OSBPL6: variants seen among roughly 807,000 people sequenced by gnomAD.
OSBPL6 encodes the protein oxysterol binding protein like 6, also known as oxysterol-binding protein-related protein 6.
In OSBPL6, 49 loss-of-function variants were observed where a neutral mutation model predicts 125.8. The ratio of observed to expected loss-of-function variants is 0.39; its 90% CI spans 0.31 to 0.49. The LOEUF (loss-of-function observed/expected upper bound fraction) is 0.49. Among genes scored for constraint, OSBPL6 ranks in the 20% least tolerant of loss-of-function variants. The probability of loss-of-function intolerance (pLI) is 0.88; values close to 1 mark genes in which losing one functional copy is unlikely to be tolerated. For missense variants in OSBPL6, 986 were observed against 1,135.4 expected (o/e 0.87, Z 1.89); for synonymous variants, 394 against 391.8 (o/e 1.01, Z -0.07).
At chr2:178,214,135 T>C (rs1357028717) in intron 1 of OSBPL6, among the ~76,000 whole-genome samples, 1 of 152,188 alleles carries the variant, frequency 6.6e-6, no homozygotes, top group Non-Finnish European at 1.5e-5. Flanking sequence ...GTGCCTTTCA[T>C]AACAAATATT....
chr2:178,258,337 C>T (rs1380137020), intron 1 of OSBPL6, among the ~76,000 whole-genome samples: 4 of 152,024 alleles, frequency 2.6e-5, no homozygotes, highest in African/African-American at 7.2e-5. Flanking sequence ...CTCAAGCGAT[C>T]GGCCCGCCTC....
chr2:178,287,213 A>G (rs1401848855), intron 2 of OSBPL6, among the ~76,000 whole-genome samples: 2 of 151,812 alleles, frequency 1.3e-5, no homozygotes, highest in Non-Finnish European at 2.9e-5. Context: ...ATATTTTCCC[A>G]TAATGCATTT....
At chr2:178,312,474 G>A (rs2154065232) in intron 3 of OSBPL6, among the ~76,000 whole-genome samples, 1 of 147,444 alleles carries the variant, frequency 6.8e-6, no homozygotes, top group African/African-American at 2.5e-5. Flanking sequence ...GGTTATTTTT[G>A]AGACAGAGTT....
rs558078526 is a variant in OSBPL6, at chr2:178,206,599, G to A, written c.-351+11925G>A. 2.6e-4 allele frequency among the ~76,000 whole-genome samples: 40 copies of A among 152,068 alleles called. No homozygotes were observed. The South Asian group carries it at 6.6e-3, about 25-fold the overall frequency. ...CTTTACCAACTCTTTCTTACAGGAG[G>A]TTTTTTTGTTTTGTTTTGTTTTGTT... On this transcript the variant is annotated intron_variant, in intron 1 of 24. Transcript: ENST00000190611.
At chr2:178,274,304 T>A (rs747216733) in intron 1 of OSBPL6, among the ~76,000 whole-genome samples, 34 of 149,492 alleles carry the variant, frequency 2.3e-4, no homozygotes, top group Non-Finnish European at 7.4e-5. Context: ...GTGGGCGAGG[T>A]CAATTTTTTT....
Position 178,390,302 on chromosome 2 carries a change from C to T in OSBPL6, c.2302-771C>T, listed in dbSNP as rs996724534. Among the ~76,000 whole-genome samples, 19 of 152,312 alleles carry T rather than the reference C, an allele frequency of 1.2e-4. No individual in the cohort carries two copies. The Middle Eastern group carries it at 0.01, about 82-fold the overall frequency. On this transcript the variant is annotated intron_variant, in intron 21 of 24. Coordinates refer to ENST00000190611, the MANE Select transcript of OSBPL6 (RefSeq NM_032523.4). ...ATGTAGGACAGCCAGTCCTGGCCCACGGCCTTCCCTACTTTCTTCCCACCT... is the reference window on the plus strand; with the variant it reads ...ATGTAGGACAGCCAGTCCTGGCCCATGGCCTTCCCTACTTTCTTCCCACCT...
chr2:178,287,738 T>G (rs1307888500), intron 2 of OSBPL6, among the ~76,000 whole-genome samples: 1 of 151,772 alleles, frequency 6.6e-6, no homozygotes, highest in Non-Finnish European at 1.5e-5. Flanking sequence ...GAAATTTGCT[T>G]TTATTTCTTT....
At chr2:178,209,612 T>TC (rs1339100945) in intron 1 of OSBPL6, among the ~76,000 whole-genome samples, 1 of 152,146 alleles carries the variant, frequency 6.6e-6, no homozygotes, top group East Asian at 1.9e-4. Flanking sequence ...TTTGAGTTTT[T>TC]CCTCAGATAT....
intron 5 of OSBPL6, 83 bp downstream of exon 5, chr2:178,328,461 G>A: frequency 6.6e-7 from 1 of 1,524,444 alleles, no homozygotes; most frequent in South Asian, 1.2e-5. Flanking sequence ...GGGAAACTAA[G>A]AATATGGCAG....
chr2:178,317,279 T>C (rs906641836), intron 3 of OSBPL6, among the ~76,000 whole-genome samples: 1 of 150,726 alleles, frequency 6.6e-6, no homozygotes, highest in Non-Finnish European at 1.5e-5. Context: ...GTTAAATGAG[T>C]ATGAAGGATA....
chr2:178,271,839 C>A (rs2092381691), intron 1 of OSBPL6, among the ~76,000 whole-genome samples: 1 of 152,156 alleles, frequency 6.6e-6, no homozygotes, highest in Non-Finnish European at 1.5e-5. Flanking sequence ...ATATTCTAGA[C>A]TGAATGTTCC....
chr2:178,280,495 T>C (rs1277540679), intron 1 of OSBPL6, among the ~76,000 whole-genome samples: 1 of 152,218 alleles, frequency 6.6e-6, no homozygotes, highest in Non-Finnish European at 1.5e-5. Context: ...CTACACTTCA[T>C]CTTGGTTGTC....
intron 20 of OSBPL6, among the ~76,000 whole-genome samples, chr2:178,388,459 C>A (rs1440619288): frequency 6.6e-6 from 1 of 152,166 alleles, no homozygotes; most frequent in African/African-American, 2.4e-5. Context: ...CTCATCACAC[C>A]TTTCCTGCCT....
chr2:178,354,069 A>G (rs966701745), intron 12 of OSBPL6, among the ~76,000 whole-genome samples: 13 of 152,220 alleles, frequency 8.5e-5, no homozygotes, highest in Non-Finnish European at 1.9e-4. Flanking sequence ...CCTGCCTTAC[A>G]TGAGCTCCTG....
chr2:178,385,461 A>G lies in OSBPL6; in HGVS notation c.2017A>G (p.Ser673Gly), dbSNP rs372767921. 1.9e-6 allele frequency: 3 copies of G among 1,609,670 alleles called. No individual in the cohort carries two copies. Among genetic ancestry groups the G allele is most frequent in the Non-Finnish European group, 2.5e-6 (3 of 1,176,854 alleles). Residue 673 changes from serine to glycine, a missense_variant, in exon 19 of 25, where the codon AGC becomes GGC. Physicochemically the swap from Ser to Gly is moderately conservative, Grantham distance 56 (BLOSUM62 0). Around this residue, in one of 3 missense-constraint regions of OSBPL6, gnomAD observed 843 missense variants for 997.3 expected, o/e 0.85. Coordinates refer to ENST00000190611, the MANE Select transcript of OSBPL6 (RefSeq NM_032523.4). ...TTTTTTTGTTTTTAATTACCAGGTT[A>G]GCCATCATCCACCCATTTCTGCCTG... ...KGFRFFSEQV[S>G]HHPPISACHC...
At chr2:178,243,450 G>A (rs2091368002) in intron 1 of OSBPL6, among the ~76,000 whole-genome samples, 1 of 151,998 alleles carries the variant, frequency 6.6e-6, no homozygotes, top group Admixed American at 6.6e-5. Flanking sequence ...GTTGTTGTAG[G>A]GGCCACTCCA....
At chr2:178,333,110 C>G in intron 8 of OSBPL6, 69 bp downstream of exon 8, 1 of 1,544,026 alleles carries the variant, frequency 6.5e-7, no homozygotes, top group Non-Finnish European at 8.9e-7. Context: ...TGGCCAGGCA[C>G]TGTGGCTCAC....
chr2:178,237,362 T>C (rs1296598735), intron 1 of OSBPL6, among the ~76,000 whole-genome samples: 1 of 151,916 alleles, frequency 6.6e-6, no homozygotes, highest in Non-Finnish European at 1.5e-5. Flanking sequence ...TTTTGTTTTG[T>C]TTTTGTCTCA....
intron 15 of OSBPL6, among the ~76,000 whole-genome samples, chr2:178,379,283 G>A (rs868316129): frequency 5.1e-5 from 5 of 98,150 alleles, no homozygotes; most frequent in Non-Finnish European, 1.1e-4. Context: ...AAGAAAGAAA[G>A]AAAAGAAAGA....
Sources: gnomAD v4.1 joint callset for allele counts (sites outside exome capture counted in the v4.1 genomes callset) on GRCh38, gnomAD v4.1.1 for gene constraint, gnomAD v4.1.1 regional missense constraint, MANE v1.5 for transcripts, NCBI Gene and HGNC (gene_info 2026-07-23, HGNC 2026-07-21) for gene names.